Variants in CAPN5 observed in about 807,000 individuals in gnomAD.
CAPN5 encodes the protein calpain-5.
CAPN5 carries 54 observed loss-of-function variants against 73.0 expected under a neutral mutation model. The observed-to-expected ratio is 0.74, with a 90% CI of 0.59 to 0.93. The LOEUF is 0.93. CAPN5 is among the 40% of genes least tolerant of loss of function. CAPN5 has a pLI of 0.00. For missense variants in CAPN5, 785 were observed against 882.9 expected (o/e 0.89, Z 1.41); for synonymous variants, 335 against 356.9 (o/e 0.94, Z 0.69).
Position 77,093,628 on chromosome 11 carries a change from G to A in CAPN5, c.166-54G>A, listed in dbSNP as rs184169891. 3.1e-3 allele frequency: 4,677 copies of A among 1,519,916 alleles called. 39 individuals are homozygous for A. Among genetic ancestry groups the A allele is most frequent in the South Asian group, 0.021 (1,730 of 83,356 alleles). 94.2% of individuals were successfully genotyped at this position (1,519,916 alleles called of 1,614,324 possible). ...GTGTCTGTCATGTCTCCTGCCATGG[G>A]GGGCATCCGCATGCTCCTCCGCCCC... On this transcript the variant is annotated intron_variant, in intron 2 of 12. Transcript: ENST00000648180.
chr11:77,076,820 T>C (rs1171053727), intron 1 of CAPN5, among the ~76,000 whole-genome samples: 2 of 152,246 alleles, frequency 1.3e-5, no homozygotes, highest in African/African-American at 4.8e-5. Context: ...AGTGCTGCAG[T>C]GAACATGGGA....
chr11:77,084,350 G>A (rs985609458), intron 1 of CAPN5, among the ~76,000 whole-genome samples: 5 of 151,590 alleles, frequency 3.3e-5, no homozygotes, highest in Non-Finnish European at 5.9e-5. Context: ...AGCATGGTGC[G>A]GGGAGGACCG....
Position 77,081,801 on chromosome 11 carries a change from G to C in CAPN5, c.-35-3051G>C, listed in dbSNP as rs370201286. Among the ~76,000 whole-genome samples the C allele has an allele frequency of 1.6e-3, 238 of 152,246 alleles. 1 individual carries two copies. The highest frequency in any genetic ancestry group is 5.5e-3 in the African/African-American group (228 of 41,544). ...CCCAGCTGTCAGGGAGGGGAGGAGA[G>C]GAGAGCCAGGCCTTCCCCAGGGTGA... On this transcript the variant is annotated intron_variant, in intron 1 of 12. Transcript: ENST00000648180.
At chr11:77,074,227 C>A (rs1007580093) in intron 1 of CAPN5, among the ~76,000 whole-genome samples, 1 of 152,198 alleles carries the variant, frequency 6.6e-6, no homozygotes, top group Non-Finnish European at 1.5e-5. Flanking sequence ...CAAGCCAGGG[C>A]TCTTCCAGTC....
chr11:77,107,934 T>G (rs1196639121), intron 3 of CAPN5, among the ~76,000 whole-genome samples: 1 of 152,218 alleles, frequency 6.6e-6, no homozygotes, highest in African/African-American at 2.4e-5. Context: ...ACCCCTCATG[T>G]GTGCACAGCT....
chr11:77,071,738 G>C (rs782448235), intron 1 of CAPN5: 2 of 424,120 alleles, frequency 4.7e-6, no homozygotes, highest in Non-Finnish European at 9.9e-6. Context: ...TTCACCCTCT[G>C]CCTGGGTATG....
intron 1 of CAPN5, among the ~76,000 whole-genome samples, chr11:77,067,824 G>A (rs1949861162): frequency 6.6e-6 from 1 of 151,988 alleles, no homozygotes; most frequent in Non-Finnish European, 1.5e-5. Context: ...CAGGTGCGAC[G>A]TTCTCTCTCC....
chr11:77,075,489 T>G (rs1317638639), intron 1 of CAPN5, among the ~76,000 whole-genome samples: 2 of 152,264 alleles, frequency 1.3e-5, no homozygotes, highest in Non-Finnish European at 2.9e-5. Flanking sequence ...AGCCTGCGTG[T>G]GACAAAGGCT....
Position 77,123,925 on chromosome 11 carries a change from C to A in CAPN5, c.*55C>A. On this transcript the variant is annotated 3_prime_UTR_variant, in exon 13 of 13. Coordinates refer to ENST00000648180, the MANE Select transcript of CAPN5 (RefSeq NM_004055.5). ...TCCCACCACCATCTGCATGTCCCCA[C>A]TGGGCCTGAGTCTAGCCTGGGAGCC... The A allele has an allele frequency of 1.3e-6, 2 of 1,549,114 alleles. No individual in the cohort carries two copies. Among genetic ancestry groups the A allele is most frequent in the Non-Finnish European group, 1.8e-6 (2 of 1,132,530 alleles).
intron 3 of CAPN5, among the ~76,000 whole-genome samples, chr11:77,101,131 GTTCA>G (rs1208655991): frequency 6.6e-5 from 10 of 152,144 alleles, no homozygotes; most frequent in Non-Finnish European, 1.5e-4. Context: ...TCATTCATCC[GTTCA>G]TTCATTCATT....
rs145409406 is a variant in CAPN5, at chr11:77,084,988, C to T, written c.102C>T (p.Ala34=). ...KVLFEDPLFP[A]TDDSLYYKGT... ...TCTTCGAGGACCCCCTCTTCCCCGC[C>T]ACTGACGACTCACTCTACTATAAGG... Residue 34 remains alanine (A), a synonymous_variant, in exon 2 of 13, where the codon GCC becomes GCT. Transcript: ENST00000648180. 1.4e-4 allele frequency: 227 copies of T among 1,613,906 alleles called. No homozygotes were observed. Among genetic ancestry groups the T allele is most frequent in the Non-Finnish European group, 1.8e-4 (211 of 1,180,032 alleles).
chr11:77,085,017 C>A lies in CAPN5; in HGVS notation c.131C>A (p.Thr44Lys), dbSNP rs200629808. 2 of 1,613,494 alleles carry A rather than the reference C, an allele frequency of 1.2e-6. No individual in the cohort carries two copies. The highest frequency in any genetic ancestry group is 1.7e-6 in the Non-Finnish European group (2 of 1,180,032). The change falls in exon 2 of 13, where the codon ACG (threonine) becomes AAG (lysine). Residue 44 changes from threonine (T) to lysine (K), a missense_variant. By Grantham distance (78) the Thr-to-Lys change is moderately conservative. Coordinates refer to ENST00000648180, the MANE Select transcript of CAPN5 (RefSeq NM_004055.5). ...ATDDSLYYKGTPGPAVRWKRP... is the reference protein window; with the variant it reads ...ATDDSLYYKGKPGPAVRWKRP... The stretch of plus-strand genomic sequence containing the variant: ...GACGACTCACTCTACTATAAGGGCA[C>A]GCCGGGGCCCGCCGTCAGGTGGAAG...
At chr11:77,104,508 G>A (rs1202988616) in intron 3 of CAPN5, among the ~76,000 whole-genome samples, 2 of 152,216 alleles carry the variant, frequency 1.3e-5, no homozygotes, top group Non-Finnish European at 2.9e-5. Flanking sequence ...AACCTCTGGG[G>A]TCATTGGATG....
At chr11:77,109,662 GTCTC>G (rs1360314055) in intron 3 of CAPN5, among the ~76,000 whole-genome samples, 17 of 152,206 alleles carry the variant, frequency 1.1e-4, no homozygotes, top group Admixed American at 1.1e-3. Context: ...TATTTAGACA[GTCTC>G]CCTCCTGCTC....
chr11:77,072,234 C>G (rs1164915443), intron 1 of CAPN5, among the ~76,000 whole-genome samples: 2 of 152,212 alleles, frequency 1.3e-5, no homozygotes, highest in African/African-American at 4.8e-5. Flanking sequence ...CTTTCCTCCC[C>G]CAAACCTTCC....
rs79525084 is a variant in CAPN5 at position 77,115,343 on chromosome 11, G to A, written c.700-52G>A. 5 of 1,490,424 alleles carry A rather than the reference G, an allele frequency of 3.4e-6. No homozygotes were observed. The East Asian group carries it at 9.2e-5, about 28-fold the overall frequency. 92.3% of individuals were successfully genotyped at this position (1,490,424 alleles called of 1,614,324 possible). A position where few individuals can be genotyped will look rare whatever the true frequency, so the allele number is the denominator to read the frequency against. On this transcript the variant is annotated intron_variant, in intron 5 of 12. Coordinates refer to ENST00000648180, the MANE Select transcript of CAPN5 (RefSeq NM_004055.5). ...TAGCCCTCCAGCACCTGAGTCCCTG[G>A]TCTGGGTTCCAGTGTGGCCCTGCCT...
At chr11:77,073,995 G>T (rs569998452) in intron 1 of CAPN5, among the ~76,000 whole-genome samples, 47 of 152,350 alleles carry the variant, frequency 3.1e-4, no homozygotes, top group African/African-American at 1.0e-3. Context: ...GCGTCAGAGA[G>T]ACAGGGGCCT....
At chr11:77,097,464 G>GTTT (rs58077755) in intron 3 of CAPN5, among the ~76,000 whole-genome samples, 16,664 of 79,212 alleles carry the variant, frequency 0.21, 2,269 homozygotes, top group East Asian at 0.31. Context: ...TTTCCTTCTA[G>GTTT]TTTTTTTTTT....
At chr11:77,119,891 A>C (rs1555042457) in intron 9 of CAPN5, 1 of 152,274 alleles carries the variant, frequency 6.6e-6, no homozygotes, top group Non-Finnish European at 1.5e-5. Context: ...TGTGACCAGA[A>C]CACTTTTTTC....
Sources: gnomAD v4.1 joint callset for allele counts (sites outside exome capture counted in the v4.1 genomes callset) on GRCh38, gnomAD v4.1.1 for gene constraint, MANE v1.5 for transcripts, NCBI Gene and HGNC (gene_info 2026-07-23, HGNC 2026-07-21) for gene names.